The following MTHFSD variants were observed in gnomAD, a reference collection of about 807,000 sequenced individuals.
The protein encoded by MTHFSD is methenyltetrahydrofolate synthase domain-containing protein.
Under a neutral mutation model 31.1 loss-of-function variants are expected in MTHFSD, and 37 were observed. The observed-to-expected ratio is 1.19, with a 90% CI of 0.91 to 1.56. MTHFSD has a LOEUF of 1.56. Ranked by LOEUF, MTHFSD falls within the 40% of genes most tolerant of loss-of-function variation. The pLI, the probability that MTHFSD is intolerant of heterozygous loss-of-function variation, is 0.00. For synonymous variants in MTHFSD, 221 were observed against 206.9 expected, an observed-to-expected ratio of 1.07 and a Z score of -0.59; for missense variants, 664 against 510.1, an observed-to-expected ratio of 1.30 and a Z score of -2.91.
Position 86,531,911 on chromosome 16 carries a change from G to T in MTHFSD, c.*100C>A. ...CCCGAGCAGCTCAGGCGGTGGCTCC[G>T]ACACGTCTTGCCACGCAGGCCTCTC... On this transcript the variant is annotated 3_prime_UTR_variant, in exon 8 of 8. Coordinates refer to ENST00000360900, the MANE Select transcript of MTHFSD (RefSeq NM_001159377.2). The surrounding 1 kb of genome is among the most constrained non-coding windows in gnomAD (Gnocchi z 5.5). 2 of 789,748 alleles carry T rather than the reference G, an allele frequency of 2.5e-6. No individual in the cohort carries two copies. The highest frequency in any genetic ancestry group is 3.7e-6 in the Non-Finnish European group (2 of 546,448). The allele number at this position is 789,748 out of a possible 1,614,324, so 48.9% of individuals were successfully genotyped here.
rs1373888227 is a variant in MTHFSD at position 86,535,565 on chromosome 16, A to G, written c.682-3084T>C. ...GCTTGTTACTCAAACATGAGAAAAC[A>G]TTTTTGCCTTTTTATAACTAATTCT... is the stretch of plus-strand genomic sequence containing the variant. On this transcript the variant is annotated intron_variant, in intron 7 of 7. Transcript: ENST00000360900. 3 of 970,272 alleles carry G rather than the reference A, an allele frequency of 3.1e-6. No homozygotes were observed. In the African/African-American group the frequency reaches 5.3e-5, roughly 17 times the overall value. 60.1% of individuals were successfully genotyped at this position (970,272 alleles called of 1,614,324 possible).
chr16:86,546,120 C>T (rs1448063376), intron 5 of MTHFSD, among the ~76,000 whole-genome samples: 1 of 152,180 alleles, frequency 6.6e-6, no homozygotes, highest in Non-Finnish European at 1.5e-5. Flanking sequence ...TCGGACACAC[C>T]ACGTTGTTCA....
rs367998615 is a variant in MTHFSD at position 86,538,330 on chromosome 16, G to A, written c.681+3367C>T. Among the ~76,000 whole-genome samples, 183 of 152,266 alleles carry A rather than the reference G, an allele frequency of 1.2e-3. 1 individual carries two copies. Among genetic ancestry groups the A allele is most frequent in the African/African-American group, 4.2e-3 (173 of 41,526 alleles). ...AGAACAGAGCTTCCAGGGTGGCGGC[G>A]GCAGTGGCAGACCCGGGTCTCCCCA... On this transcript the variant is annotated intron_variant, in intron 7 of 7. Coordinates refer to ENST00000360900, the MANE Select transcript of MTHFSD (RefSeq NM_001159377.2).
At chr16:86,541,887 C>T (rs755287708) in intron 6 of MTHFSD, 65 bp from the exon 7 acceptor site, 32 of 1,592,034 alleles carry the variant, frequency 2.0e-5, no homozygotes, top group Non-Finnish European at 2.5e-5. Context: ...CACACTGCCC[C>T]GCTCGGTGGG....
chr16:86,554,725 C>G lies in MTHFSD; in HGVS notation c.43G>C (p.Glu15Gln). 6.2e-7 allele frequency: 1 copy of G among 1,614,096 alleles called. No individual in the cohort carries two copies. The highest frequency in any genetic ancestry group is 8.5e-7 in the Non-Finnish European group (1 of 1,179,962). Residue 15 changes from glutamate (E) to glutamine (Q), a missense_variant, in exon 2 of 8, where the codon GAA becomes CAA. Physicochemically the swap from Glu to Gln is conservative, Grantham distance 29 (BLOSUM62 2). Transcript: ENST00000360900. Reference protein sequence around the residue: ...AVGVSKQDIREQIWGYMESQN... With the variant: ...AVGVSKQDIRQQIWGYMESQN... ...GATTCCATGTAGCCCCAAATTTGTT[C>G]ACGTATGTCCTGTTTGGAGACACCT... is the stretch of plus-strand genomic sequence containing the variant.
chr16:86,550,431 C>T (rs1972973221), intron 3 of MTHFSD, among the ~76,000 whole-genome samples: 1 of 152,230 alleles, frequency 6.6e-6, no homozygotes, highest in Non-Finnish European at 1.5e-5. Context: ...GTCAAGGTTT[C>T]TGATTTTTGC....
In MTHFSD at chr16:86,531,309, A is replaced by T. The variant is rs957550440; in HGVS notation, c.*702T>A. ...TGTGACGTAGGCTGGGATGAAACCC[A>T]TTCTCCCAGAGCCGGTCTCTCCCAC... On this transcript the variant is annotated 3_prime_UTR_variant, in exon 8 of 8. Coordinates refer to ENST00000360900, the MANE Select transcript of MTHFSD (RefSeq NM_001159377.2). The surrounding 1 kb of genome is among the most constrained non-coding windows in gnomAD (Gnocchi z 5.5). 6.6e-6 allele frequency: 1 copy of T among 152,180 alleles called. No individual in the cohort carries two copies. The highest frequency in any genetic ancestry group is 1.5e-5 in the Non-Finnish European group (1 of 68,030). 9.4% of individuals were successfully genotyped at this position (152,180 alleles called of 1,614,324 possible).
In MTHFSD at chr16:86,532,092, C is replaced by T; in HGVS notation, c.1071G>A (p.Gln357=). Residue 357 remains glutamine, a synonymous_variant, in exon 8 of 8, where the codon CAG becomes CAA. Coordinates refer to ENST00000360900, the MANE Select transcript of MTHFSD (RefSeq NM_001159377.2). The part of the protein sequence containing the change: ...LHYPDSAAAQ[Q]AVSCLQGLRL... The stretch of plus-strand genomic sequence containing the variant: ...GCAGGCCCTGCAAGCAGGAGACGGC[C>T]TGCTGGGCTGCGGCAGAGTCCGGGT... 1 of 1,535,032 alleles carries T rather than the reference C, an allele frequency of 6.5e-7. No individual in the cohort carries two copies. The highest frequency in any genetic ancestry group is 8.8e-7 in the Non-Finnish European group (1 of 1,139,086).
intron 5 of MTHFSD, among the ~76,000 whole-genome samples, chr16:86,543,402 C>A (rs1485634729): frequency 6.6e-6 from 1 of 152,224 alleles, no homozygotes; most frequent in African/African-American, 2.4e-5. Context: ...CATGGATAGC[C>A]CCAAAGGTGC....
Position 86,542,097 on chromosome 16 carries a change from G to T in MTHFSD, c.555+4C>A, listed in dbSNP as rs9674276. On this transcript the variant is annotated splice_donor_region_variant and intron_variant, in intron 6 of 7. Transcript: ENST00000360900. The surrounding 1 kb of genome is among the most constrained non-coding windows in gnomAD (Gnocchi z 4.6). ...GCTCTGCTCAGCCCATTCATAAGGA[G>T]CACCTGGCAGTCGTGGACGATGGTG... is the stretch of plus-strand genomic sequence containing the variant. The T allele has an allele frequency of 2.5e-6, 4 of 1,612,090 alleles. No homozygotes were observed. The South Asian group carries it at 4.4e-5, about 18-fold the overall frequency.
intron 4 of MTHFSD, 72 bp from the exon 5 acceptor site, chr16:86,546,721 T>C (rs1311213609): frequency 3.8e-6 from 5 of 1,309,602 alleles, no homozygotes; most frequent in African/African-American, 2.9e-5. Context: ...ATGATCAAAG[T>C]GCACTCAGGG....
intron 7 of MTHFSD, chr16:86,541,026 G>A: frequency 8.5e-7 from 1 of 1,176,566 alleles, no homozygotes; most frequent in Non-Finnish European, 1.1e-6. Flanking sequence ...TTAAAGAATG[G>A]GAGACGTGGA....
chr16:86,546,794 C>T, intron 4 of MTHFSD, 145 bp from the exon 5 acceptor site: 1 of 695,038 alleles, frequency 1.4e-6, no homozygotes, highest in Non-Finnish European at 2.4e-6. Context: ...TGTGGCGTTT[C>T]AGGAGAAGCC....
intron 5 of MTHFSD, 97 bp downstream of exon 5, chr16:86,546,462 A>G (rs1972324180): frequency 9.5e-7 from 1 of 1,053,656 alleles, no homozygotes; most frequent in African/African-American, 1.6e-5. Flanking sequence ...TCCAGAAAGC[A>G]GACACCACTG....
chr16:86,534,109 G>A (rs1176893744), intron 7 of MTHFSD, among the ~76,000 whole-genome samples: 2 of 152,206 alleles, frequency 1.3e-5, no homozygotes, highest in South Asian at 2.1e-4. Context: ...AAAGACTTGC[G>A]CCAACATTTC....
chr16:86,546,298 T>C (rs1034427349), intron 5 of MTHFSD, among the ~76,000 whole-genome samples: 1 of 152,222 alleles, frequency 6.6e-6, no homozygotes, highest in African/African-American at 2.4e-5. Flanking sequence ...GAGAAAACCT[T>C]TCACCACCTG....
At chr16:86,554,128 C>G (rs748550088) in intron 2 of MTHFSD, among the ~76,000 whole-genome samples, 1 of 152,134 alleles carries the variant, frequency 6.6e-6, no homozygotes, top group Non-Finnish European at 1.5e-5. Flanking sequence ...CAATCCCCTT[C>G]CACATTGTGG....
intron 2 of MTHFSD, 119 bp from the exon 3 acceptor site, chr16:86,552,265 G>C: frequency 6.3e-7 from 1 of 1,598,916 alleles, no homozygotes; most frequent in Non-Finnish European, 8.5e-7. Flanking sequence ...TGCAAGCGTG[G>C]GAGTTGCTCG....
chr16:86,539,304 G>A (rs117062420), intron 7 of MTHFSD, among the ~76,000 whole-genome samples: 1 of 152,264 alleles, frequency 6.6e-6, no homozygotes, highest in Non-Finnish European at 1.5e-5. Context: ...ACCCCATCTT[G>A]GCTCAGTGAG....
Sources: gnomAD v4.1 joint callset for allele counts (sites outside exome capture counted in the v4.1 genomes callset) on GRCh38, gnomAD v4.1.1 for gene constraint, Gnocchi (gnomAD v3.1) non-coding constraint, MANE v1.5 for transcripts, NCBI Gene and HGNC (gene_info 2026-07-23, HGNC 2026-07-21) for gene names.